The following RIMS1 variants were observed in gnomAD, a reference collection of about 807,000 sequenced individuals.
The protein encoded by RIMS1 is regulating synaptic membrane exocytosis 1.
A neutral mutation model predicts 214.1 loss-of-function variants in RIMS1; 83 were observed. The observed-to-expected ratio is 0.39, with a 90% confidence interval of 0.32 to 0.47. The LOEUF is 0.47. Ranked by LOEUF, RIMS1 falls within the 20% of genes least tolerant of loss-of-function variation. RIMS1 has a pLI of 0.99. For missense variants in RIMS1, 2,050 were observed against 2,161.8 expected (o/e 0.95, Z 1.03); for synonymous variants, 793 against 786.8 (o/e 1.01, Z -0.13).
intron 1 of RIMS1, among the ~76,000 whole-genome samples, chr6:71,924,684 A>G (rs565399624): frequency 6.3e-4 from 95 of 149,922 alleles, no homozygotes; most frequent in Non-Finnish European, 5.8e-4. Flanking sequence ...GTGTGTGCCT[A>G]TAGTCCCAGC....
chr6:72,033,600 G>A (rs930624334), intron 2 of RIMS1, among the ~76,000 whole-genome samples: 3 of 152,014 alleles, frequency 2.0e-5, no homozygotes, highest in African/African-American at 7.2e-5. Context: ...TCCTGCCTCA[G>A]CCTCCCGAGT....
chr6:72,127,637 G>A (rs1226823544), intron 4 of RIMS1, among the ~76,000 whole-genome samples: 1 of 152,114 alleles, frequency 6.6e-6, no homozygotes, highest in East Asian at 1.9e-4. Context: ...GAGGTTCTGT[G>A]CCTTACTTGA....
At chr6:72,212,754 T>A in intron 6 of RIMS1, 1 of 949,318 alleles carries the variant, frequency 1.1e-6, no homozygotes, top group Non-Finnish European at 1.3e-6. Context: ...AGAGCTTATT[T>A]CCTGAATCCT....
At chr6:71,971,158 A>G (rs1368168199) in intron 2 of RIMS1, among the ~76,000 whole-genome samples, 1 of 152,232 alleles carries the variant, frequency 6.6e-6, no homozygotes, top group Non-Finnish European at 1.5e-5. Flanking sequence ...TGAGGATTGC[A>G]TTAATGGGTT....
intron 2 of RIMS1, among the ~76,000 whole-genome samples, chr6:72,077,847 G>C (rs1287232944): frequency 1.3e-5 from 2 of 152,150 alleles, no homozygotes; most frequent in African/African-American, 4.8e-5. Flanking sequence ...GCTTGTATCT[G>C]GTAATAATGC....
At chr6:72,361,969 CTGTATTGTAT>C (rs71540338) in intron 29 of RIMS1, among the ~76,000 whole-genome samples, 3,609 of 146,794 alleles carry the variant, frequency 0.025, 94 homozygotes, top group African/African-American at 0.063. Context: ...AGGACCATTA[CTGTATTGTAT>C]TGTATTGTAT....
intron 23 of RIMS1, among the ~76,000 whole-genome samples, chr6:72,276,345 T>TTTGTAATGAATATAAATGTAAGTTTA (rs1204644056): frequency 4.6e-5 from 7 of 152,214 alleles, no homozygotes; most frequent in African/African-American, 1.7e-4. Context: ...CATGATGATC[T>TTTGTAATGAATATAAATGTAAGTTTA]TTGTAATGAA....
At chr6:72,206,463 T>C (rs921933279) in intron 6 of RIMS1, among the ~76,000 whole-genome samples, 1 of 152,228 alleles carries the variant, frequency 6.6e-6, no homozygotes, top group Non-Finnish European at 1.5e-5. Context: ...AGTGTTATTA[T>C]TATAGTTAAT....
chr6:71,948,052 G>T (rs1036605227), intron 1 of RIMS1, among the ~76,000 whole-genome samples: 3 of 152,098 alleles, frequency 2.0e-5, no homozygotes, highest in Non-Finnish European at 2.9e-5. Flanking sequence ...ATGTGTTCAA[G>T]ATACTGAAGT....
chr6:72,160,696 C>T (rs2045256296), intron 4 of RIMS1, among the ~76,000 whole-genome samples: 1 of 140,820 alleles, frequency 7.1e-6, no homozygotes, highest in Non-Finnish European at 1.6e-5. Context: ...TATTGATTTT[C>T]ATATGTTGAA....
intron 29 of RIMS1, among the ~76,000 whole-genome samples, chr6:72,334,570 C>G (rs2096776960): frequency 6.6e-6 from 1 of 151,748 alleles, no homozygotes; most frequent in African/African-American, 2.4e-5. Flanking sequence ...TTACTATGCT[C>G]AATACTATGT....
At chr6:72,349,156 C>T (rs1281537464) in intron 29 of RIMS1, among the ~76,000 whole-genome samples, 1 of 151,934 alleles carries the variant, frequency 6.6e-6, no homozygotes, top group Admixed American at 6.6e-5. Flanking sequence ...TTTCTTACAA[C>T]CGAAAAATGT....
rs185255132 is a variant in RIMS1 at position 72,054,162 on chromosome 6, G to A, written c.246-42787G>A. ...CTCATTGTTCATCTCCTACTTATGA[G>A]TGAGAAAACGTGGTGTTTGGTTTTC... is the stretch of plus-strand genomic sequence containing the variant. On this transcript the variant is annotated intron_variant, in intron 2 of 33. Coordinates refer to ENST00000521978, the MANE Select transcript of RIMS1 (RefSeq NM_014989.7). 1.4e-4 allele frequency among the ~76,000 whole-genome samples: 22 copies of A among 152,050 alleles called. No homozygotes were observed. The East Asian group carries it at 4.1e-3, about 28-fold the overall frequency.
At chr6:72,079,527 C>G (rs117321146) in intron 2 of RIMS1, among the ~76,000 whole-genome samples, 1 of 152,146 alleles carries the variant, frequency 6.6e-6, no homozygotes, top group Non-Finnish European at 1.5e-5. Context: ...AGTTGAACAC[C>G]CTTCACTTGA....
chr6:72,321,886 T>G (rs137987437), intron 28 of RIMS1, among the ~76,000 whole-genome samples: 52 of 152,258 alleles, frequency 3.4e-4, no homozygotes, highest in African/African-American at 1.1e-3. Flanking sequence ...CCTACTCATT[T>G]TACTTCTCAA....
chr6:71,916,059 C>G (rs772553873), intron 1 of RIMS1, among the ~76,000 whole-genome samples: 1 of 152,150 alleles, frequency 6.6e-6, no homozygotes, highest in Non-Finnish European at 1.5e-5. Flanking sequence ...AGCTACAATT[C>G]AAGATGAGAT....
intron 2 of RIMS1, among the ~76,000 whole-genome samples, chr6:72,026,455 G>GCCC (rs3079699): frequency 1.2e-5 from 1 of 85,628 alleles, no homozygotes; most frequent in African/African-American, 5.0e-5. Flanking sequence ...CCCCAGCACC[G>GCCC]CCCCCCCCCC....
intron 6 of RIMS1, among the ~76,000 whole-genome samples, chr6:72,196,034 C>T (rs1180010525): frequency 1.3e-5 from 2 of 152,036 alleles, no homozygotes; most frequent in African/African-American, 4.8e-5. Flanking sequence ...CACTGGGTCT[C>T]TCTATTGATA....
chr6:72,228,338 C>G (rs1167766866), intron 6 of RIMS1, among the ~76,000 whole-genome samples: 2 of 151,850 alleles, frequency 1.3e-5, no homozygotes, highest in African/African-American at 2.4e-5. Flanking sequence ...CTAGCAACCA[C>G]CACTCTATTC....
Sources: gnomAD v4.1 joint callset for allele counts (sites outside exome capture counted in the v4.1 genomes callset) on GRCh38, gnomAD v4.1.1 for gene constraint, MANE v1.5 for transcripts, NCBI Gene and HGNC (gene_info 2026-07-23, HGNC 2026-07-21) for gene names.